Variants in CCDC15 observed in about 807,000 individuals in gnomAD.
CCDC15 encodes the protein coiled-coil domain containing 15.
A neutral mutation model predicts 114.5 loss-of-function variants in CCDC15; 105 were observed. The ratio of observed to expected loss-of-function variants is 0.92; its 90% CI spans 0.78 to 1.08. CCDC15 has a LOEUF of 1.08. CCDC15 is among the 50% of genes least tolerant of loss of function. The probability of loss-of-function intolerance (pLI) is 0.00; values close to 1 mark genes in which losing one functional copy is unlikely to be tolerated. For missense variants in CCDC15, 1,105 were observed against 1,093.6 expected (o/e 1.01, Z -0.15); for synonymous variants, 334 against 377.8 (o/e 0.88, Z 1.34).
chr11:124,981,111 T>C (rs1324755707), intron 6 of CCDC15, among the ~76,000 whole-genome samples: 2 of 152,190 alleles, frequency 1.3e-5, no homozygotes, highest in African/African-American at 2.4e-5. Flanking sequence ...TTTTATTGCA[T>C]TGTGATCCGA....
chr11:125,024,840 A>G (rs890839085), intron 13 of CCDC15, among the ~76,000 whole-genome samples: 9 of 151,806 alleles, frequency 5.9e-5, no homozygotes, highest in African/African-American at 2.2e-4. Context: ...ATGAGAATGG[A>G]TAATTCCTGA....
intron 6 of CCDC15, among the ~76,000 whole-genome samples, chr11:124,983,292 A>G (rs1025569635): frequency 9.9e-5 from 15 of 152,156 alleles, no homozygotes; most frequent in Non-Finnish European, 2.2e-4. Flanking sequence ...CTGTTATCTC[A>G]ACCATTTCAG....
intron 13 of CCDC15, among the ~76,000 whole-genome samples, chr11:125,015,095 A>T (rs1442952668): frequency 6.6e-6 from 1 of 152,188 alleles, no homozygotes; most frequent in East Asian, 1.9e-4. Context: ...AAAACTTTTT[A>T]GGTGTCACTG....
chr11:125,024,299 C>T (rs1948680829), intron 13 of CCDC15, among the ~76,000 whole-genome samples: 1 of 151,964 alleles, frequency 6.6e-6, no homozygotes, highest in Non-Finnish European at 1.5e-5. Flanking sequence ...CTTGACTATT[C>T]TAGGCCCTTT....
intron 15 of CCDC15, 147 bp from the exon 16 acceptor site, chr11:125,040,443 G>C (rs552687398): frequency 3.0e-6 from 2 of 666,334 alleles, no homozygotes; most frequent in South Asian, 5.5e-5. Flanking sequence ...CAGAGTGCTT[G>C]TCATATAGTA....
Position 124,991,547 on chromosome 11 carries a change from T to C in CCDC15, c.1995T>C (p.Pro665=). ...CTCTGGCAGACTATCAGTGTTTGCC[T>C]CCCAAATCCCAGGACCAGGATGACA... ...DFSLADYQCL[P]PKSQDQDDIK... Residue 665 remains proline, a synonymous_variant, in exon 9 of 16, where the codon CCT becomes CCC. Transcript: ENST00000344762. 1 of 1,609,342 alleles carries C rather than the reference T, an allele frequency of 6.2e-7. No homozygotes were observed. The highest frequency in any genetic ancestry group is 8.5e-7 in the Non-Finnish European group (1 of 1,177,148).
chr11:124,962,939 G>A (rs1450297244), intron 4 of CCDC15, among the ~76,000 whole-genome samples: 2 of 152,114 alleles, frequency 1.3e-5, no homozygotes, highest in African/African-American at 4.8e-5. Flanking sequence ...TTAGAATTAT[G>A]GTTTCCAGCT....
chr11:124,978,827 T>TG lies in CCDC15; in HGVS notation c.753+1227_753+1228insG, dbSNP rs200604067. On this transcript the variant is annotated intron_variant, in intron 6 of 15. Transcript: ENST00000344762. The stretch of plus-strand genomic sequence containing the variant: ...TTAGATCCCATTTGTCATTTTTTTT[T>TG]TTGTTGCAGTTGCTTTTGGCATCTT... Among the ~76,000 whole-genome samples, 13 of 152,188 alleles carry TG rather than the reference T, an allele frequency of 8.5e-5. No individual in the cohort carries two copies. The East Asian group carries it at 1.7e-3, about 20-fold the overall frequency.
rs372730693 is a variant in CCDC15 at position 125,038,468 on chromosome 11, G to A, written c.2449G>A (p.Glu817Lys). Reference protein sequence around the residue: ...KKREQECYAAEQRILRMNFHE... With the variant: ...KKREQECYAAKQRILRMNFHE... The stretch of plus-strand genomic sequence containing the variant: ...GAGAGAGCAAGAATGTTATGCTGCA[G>A]AGCAGAGGATCCTAAGAATGAACTT... The change falls in exon 14 of 16, where the codon GAG (glutamate) becomes AAG (lysine). Residue 817 changes from glutamate (E) to lysine (K), a missense_variant. Physicochemically the swap from Glu to Lys is moderately conservative, Grantham distance 56 (BLOSUM62 1). Transcript: ENST00000344762. 1.3e-5 allele frequency: 21 copies of A among 1,576,480 alleles called. No individual in the cohort carries two copies. In the African/African-American group the frequency reaches 2.4e-4, roughly 18 times the overall value.
chr11:125,003,557 C>T (rs1439714055), intron 11 of CCDC15, among the ~76,000 whole-genome samples: 1 of 151,934 alleles, frequency 6.6e-6, no homozygotes, highest in Non-Finnish European at 1.5e-5. Flanking sequence ...ATTCCAAGCG[C>T]ACTCATGACA....
chr11:125,013,650 G>T (rs1717680675), intron 13 of CCDC15, among the ~76,000 whole-genome samples: 1 of 152,126 alleles, frequency 6.6e-6, no homozygotes, highest in Non-Finnish European at 1.5e-5. Flanking sequence ...ATAATTGAAT[G>T]AATGGTTAGT....
At chr11:124,969,325 T>A (rs1270182338) in intron 4 of CCDC15, among the ~76,000 whole-genome samples, 2 of 152,186 alleles carry the variant, frequency 1.3e-5, no homozygotes, top group Non-Finnish European at 2.9e-5. Context: ...AAATTTCAAG[T>A]GTCTTATAAT....
chr11:124,984,447 G>A (rs930370888), intron 6 of CCDC15, among the ~76,000 whole-genome samples: 1 of 152,106 alleles, frequency 6.6e-6, no homozygotes, highest in Non-Finnish European at 1.5e-5. Flanking sequence ...CCTGTCTCAC[G>A]GGCAAGATCG....
At chr11:125,035,043 G>C (rs1054349297) in intron 13 of CCDC15, among the ~76,000 whole-genome samples, 1 of 152,190 alleles carries the variant, frequency 6.6e-6, no homozygotes, top group African/African-American at 2.4e-5. Flanking sequence ...CAAAGCTGAA[G>C]AACTTGGAGT....
intron 11 of CCDC15, among the ~76,000 whole-genome samples, chr11:124,997,609 C>T (rs1039675068): frequency 6.6e-6 from 1 of 152,042 alleles, no homozygotes; most frequent in Non-Finnish European, 1.5e-5. Flanking sequence ...AGAATATCTT[C>T]GTTGTTATAA....
intron 6 of CCDC15, among the ~76,000 whole-genome samples, chr11:124,978,510 C>T (rs1447253159): frequency 6.6e-6 from 1 of 152,110 alleles, no homozygotes; most frequent in African/African-American, 2.4e-5. Context: ...TTGTCCACAG[C>T]CGTGTCAGCA....
Position 124,954,830 on chromosome 11 carries a change from C to G in CCDC15, c.98C>G (p.Ala33Gly), listed in dbSNP as rs1947520015. The change falls in exon 2 of 16, where the codon GCT (alanine) becomes GGT (glycine). Residue 33 changes from alanine (A) to glycine (G), a missense_variant. Transcript: ENST00000344762. ...LKSKDVLAVLAERNEAIVPVG... is the reference protein window; with the variant it reads ...LKSKDVLAVLGERNEAIVPVG... ...AGCAAGGACGTGTTGGCAGTGCTGGCTGAGAGGAACGAGGCTATAGTACCA... is the reference window on the plus strand; with the variant it reads ...AGCAAGGACGTGTTGGCAGTGCTGGGTGAGAGGAACGAGGCTATAGTACCA... 1 of 1,614,022 alleles carries G rather than the reference C, an allele frequency of 6.2e-7. No individual in the cohort carries two copies. The highest frequency in any genetic ancestry group is 8.5e-7 in the Non-Finnish European group (1 of 1,179,892).
chr11:125,034,129 G>C (rs1706192148), intron 13 of CCDC15, among the ~76,000 whole-genome samples: 2 of 152,150 alleles, frequency 1.3e-5, no homozygotes, highest in Non-Finnish European at 2.9e-5. Context: ...GGCAGCACAG[G>C]GTTTATCCCC....
intron 13 of CCDC15, among the ~76,000 whole-genome samples, chr11:125,033,821 C>T (rs575364880): frequency 1.3e-4 from 20 of 152,318 alleles, no homozygotes; most frequent in African/African-American, 2.6e-4. Flanking sequence ...AGGCCCAAAT[C>T]GACAAATTCA....
Sources: gnomAD v4.1 joint callset for allele counts (sites outside exome capture counted in the v4.1 genomes callset) on GRCh38, gnomAD v4.1.1 for gene constraint, MANE v1.5 for transcripts, NCBI Gene and HGNC (gene_info 2026-07-23, HGNC 2026-07-21) for gene names.